Variants in ANK1 observed in about 807,000 individuals in gnomAD.
The protein encoded by ANK1 is ankyrin 1, also known as ankyrin-1.
Under a neutral mutation model 210.4 loss-of-function variants are expected in ANK1, and 51 were observed. That is an observed-to-expected ratio of 0.24 (90% confidence interval 0.19 to 0.31). The LOEUF (loss-of-function observed/expected upper bound fraction) is 0.31, where lower values mean the gene tolerates loss of function less well. Among genes scored for constraint, ANK1 ranks in the 10% least tolerant of loss-of-function variants. ANK1 has a pLI of 1.00. For synonymous variants in ANK1, 967 were observed against 1,025.9 expected, an observed-to-expected ratio of 0.94 and a Z score of 1.10; for missense variants, 2,051 against 2,504.4, an observed-to-expected ratio of 0.82 and a Z score of 3.86.
In ANK1 at chr8:41,715,004, C is replaced by A; in HGVS notation, c.1673G>T (p.Arg558Leu). ...TCCGGCAGCATTCGGGTGTGCGTCC[C>A]GCTCCAGCAGCAGCTCTGCCACCCG... ...KVRVAELLLE[R>L]DAHPNAAGKN... Residue 558 changes from arginine (R) to leucine (L), a missense_variant, in exon 15 of 43, where the codon CGG becomes CTG. Around this residue, in one of 6 missense-constraint regions of ANK1, gnomAD observed 1,413 missense variants for 1,707.4 expected, o/e 0.83. Coordinates refer to ENST00000289734, the MANE Select transcript of ANK1 (RefSeq NM_000037.4). 2 of 1,614,178 alleles carry A rather than the reference C, an allele frequency of 1.2e-6. No homozygotes were observed. The highest frequency in any genetic ancestry group is 1.7e-6 in the Non-Finnish European group (2 of 1,180,030).
intron 1 of ANK1, among the ~76,000 whole-genome samples, chr8:41,881,341 A>G (rs1817553905): frequency 6.6e-6 from 1 of 152,178 alleles, no homozygotes; most frequent in Non-Finnish European, 1.5e-5. Context: ...TAATGTTCCC[A>G]TTCTAAGGCA....
intron 3 of ANK1, among the ~76,000 whole-genome samples, chr8:41,731,854 G>A (rs751026044): frequency 1.3e-5 from 2 of 152,262 alleles, no homozygotes; most frequent in Non-Finnish European, 2.9e-5. Context: ...CAGGGCAGGC[G>A]CCGCTCCGGC....
chr8:41,706,242 CT>C lies in ANK1; in HGVS notation c.1999-2del, dbSNP rs1256519910. The C allele has an allele frequency of 1.9e-6, 3 of 1,613,658 alleles. No homozygotes were observed. Among genetic ancestry groups the C allele is most frequent in the African/African-American group, 1.3e-5 (1 of 74,948 alleles). On this transcript the variant is annotated splice_acceptor_variant, in intron 17 of 42. Transcript: ENST00000289734. LOFTEE classifies it high-confidence loss of function. ...CCAGATGGAGGGGAGTGAGTCCGCTCTGCAAAGAAAAAGACGTTCATCACCT... is the reference window on the plus strand; with the variant it reads ...CCAGATGGAGGGGAGTGAGTCCGCTCGCAAAGAAAAAGACGTTCATCACCT...
chr8:41,849,855 T>C (rs1810886292), intron 1 of ANK1, among the ~76,000 whole-genome samples: 1 of 152,202 alleles, frequency 6.6e-6, no homozygotes, highest in Admixed American at 6.5e-5. Flanking sequence ...GAAAACTTAT[T>C]CCAGCACCAT....
In ANK1 at chr8:41,696,511, T is replaced by A; in HGVS notation, c.2812A>T (p.Ile938Phe). Residue 938 changes from isoleucine to phenylalanine, a missense_variant, in exon 26 of 43, where the codon ATC becomes TTC. Coordinates refer to ENST00000289734, the MANE Select transcript of ANK1 (RefSeq NM_000037.4). ...GSRHNGLRVV[I>F]PPRTCAAPTR... is the part of the protein sequence containing the mutation. ...GGCGCTGCGCACGTCCGTGGCGGGA[T>A]CACCACTCGCAGGCCGTTGTGGCGA... is the stretch of plus-strand genomic sequence containing the variant. 2 of 1,613,562 alleles carry A rather than the reference T, an allele frequency of 1.2e-6. No individual in the cohort carries two copies. Among genetic ancestry groups the A allele is most frequent in the Non-Finnish European group, 1.7e-6 (2 of 1,179,982 alleles).
At chr8:41,839,521 G>A (rs1220709528) in intron 1 of ANK1, among the ~76,000 whole-genome samples, 2 of 152,204 alleles carry the variant, frequency 1.3e-5, no homozygotes, top group Non-Finnish European at 2.9e-5. Context: ...TGGCCTCCCC[G>A]AGGCCCTAGA....
intron 1 of ANK1, among the ~76,000 whole-genome samples, chr8:41,794,368 T>G (rs1164997313): frequency 1.3e-5 from 2 of 152,166 alleles, no homozygotes; most frequent in Non-Finnish European, 2.9e-5. Flanking sequence ...TGCTGTTTCC[T>G]CTGGAGTTTG....
chr8:41,662,000 T>C (rs907581393), intron 40 of ANK1, 59 bp from the exon 41 acceptor site: 13 of 1,585,288 alleles, frequency 8.2e-6, no homozygotes, highest in Admixed American at 3.3e-5. Context: ...GGCTCATGTC[T>C]GTAATCTCAG....
chr8:41,875,112 G>T (rs1019854806), intron 1 of ANK1, among the ~76,000 whole-genome samples: 9 of 152,192 alleles, frequency 5.9e-5, no homozygotes, highest in Non-Finnish European at 1.5e-5. Flanking sequence ...GGTACGGGAT[G>T]ACCGGGTTCC....
Position 41,708,831 on chromosome 8 carries a change from C to T in ANK1, c.1945G>A (p.Glu649Lys). 1 of 1,614,096 alleles carries T rather than the reference C, an allele frequency of 6.2e-7. No homozygotes were observed. The highest frequency in any genetic ancestry group is 1.3e-5 in the African/African-American group (1 of 75,072). The change falls in exon 17 of 43, where the codon GAG becomes AAG. Residue 649 changes from glutamate (E) to lysine (K), a missense_variant. Around this residue, in one of 6 missense-constraint regions of ANK1, gnomAD observed 1,413 missense variants for 1,707.4 expected, o/e 0.83. Coordinates refer to ENST00000289734, the MANE Select transcript of ANK1 (RefSeq NM_000037.4). ...LHLAAQEGHA[E>K]MVALLLSKQA... ...TTCGAGAGCAGCAGAGCCACCATCT[C>T]TGCGTGGCCCTCCTGGGCGGCCAGG...
Position 41,690,513 on chromosome 8 carries a change from G to T in ANK1, c.3945C>A (p.Phe1315Leu). Residue 1315 changes from phenylalanine to leucine, a missense_variant, in exon 32 of 43, where the codon TTC becomes TTA. Phe to Leu is a conservative substitution (Grantham distance 22). This residue lies in a region of ANK1 where 1,413 missense variants were observed against 1,707.4 expected (regional missense o/e 0.83). Coordinates refer to ENST00000289734, the MANE Select transcript of ANK1 (RefSeq NM_000037.4). ...CCAGACGGTTCTCCCGAAATGACTG[G>T]AAGTGGAAGCTCCGCTGCTGGGCAG... is the stretch of plus-strand genomic sequence containing the variant. ...KKAAQQRSFH[F>L]QSFRENRLAM... 6.2e-7 allele frequency: 1 copy of T among 1,614,198 alleles called. No individual in the cohort carries two copies. Among genetic ancestry groups the T allele is most frequent in the East Asian group, 2.2e-5 (1 of 44,880 alleles).
At chr8:41,817,381 G>C (rs1803511288) in intron 1 of ANK1, among the ~76,000 whole-genome samples, 1 of 152,212 alleles carries the variant, frequency 6.6e-6, no homozygotes, top group Non-Finnish European at 1.5e-5. Flanking sequence ...AGATGAACAG[G>C]TGAGGTTTGG....
At chr8:41,849,394 A>T (rs974620297) in intron 1 of ANK1, among the ~76,000 whole-genome samples, 2 of 152,136 alleles carry the variant, frequency 1.3e-5, no homozygotes, top group Admixed American at 1.3e-4. Flanking sequence ...CATGGTGGCA[A>T]GTGCCTATAA....
At chr8:41,751,977 G>C (rs886287717) in intron 2 of ANK1, among the ~76,000 whole-genome samples, 14 of 152,070 alleles carry the variant, frequency 9.2e-5, no homozygotes, top group African/African-American at 3.4e-4. Flanking sequence ...CAGCCTCACT[G>C]TTCCCCCAAG....
At chr8:41,767,985 G>A (rs984791261) in intron 1 of ANK1, among the ~76,000 whole-genome samples, 14 of 152,212 alleles carry the variant, frequency 9.2e-5, no homozygotes, top group East Asian at 7.7e-4. Flanking sequence ...GCCGCCAGAC[G>A]CAGCTGGGTT....
chr8:41,744,559 CAG>C (rs1382820881), intron 2 of ANK1, among the ~76,000 whole-genome samples: 5 of 129,432 alleles, frequency 3.9e-5, no homozygotes, highest in African/African-American at 1.2e-4. Context: ...TTTTTTGAGA[CAG>C]AGTCTTGCTC....
At chr8:41,776,361 G>A (rs1459416468) in intron 1 of ANK1, among the ~76,000 whole-genome samples, 2 of 152,118 alleles carry the variant, frequency 1.3e-5, no homozygotes, top group Non-Finnish European at 2.9e-5. Context: ...TTAATGAGCG[G>A]GGATCTGTCC....
chr8:41,707,175 T>C (rs1245665787), intron 17 of ANK1, among the ~76,000 whole-genome samples: 1 of 152,208 alleles, frequency 6.6e-6, no homozygotes, highest in Non-Finnish European at 1.5e-5. Flanking sequence ...GGGCAGAGCA[T>C]CCCGCCAGGA....
chr8:41,809,833 C>G (rs1333957619), intron 1 of ANK1, among the ~76,000 whole-genome samples: 1 of 152,218 alleles, frequency 6.6e-6, no homozygotes, highest in African/African-American at 2.4e-5. Flanking sequence ...CATGATCCTA[C>G]AGCTAATTAC....
Sources: allele counts gnomAD v4.1 joint callset (sites outside exome capture counted in the v4.1 genomes callset), GRCh38; gene constraint gnomAD v4.1.1; regional missense constraint gnomAD v4.1.1; transcripts MANE v1.5; gene names NCBI Gene and HGNC (gene_info 2026-07-23, HGNC 2026-07-21).